GALK1: variants seen among roughly 807,000 people sequenced by gnomAD.
GALK1 encodes galactokinase.
Under a neutral mutation model 38.6 loss-of-function variants are expected in GALK1, and 30 were observed. That is an observed-to-expected ratio of 0.78 (90% CI 0.58 to 1.05). The LOEUF is 1.05. Among genes scored for constraint, GALK1 ranks in the 50% least tolerant of loss-of-function variants. The pLI, the probability that GALK1 is intolerant of heterozygous loss-of-function variation, is 0.00. For missense variants in GALK1, 512 were observed against 540.5 expected, an observed-to-expected ratio of 0.95 and a Z score of 0.52; for synonymous variants, 240 against 233.6, an observed-to-expected ratio of 1.03 and a Z score of -0.25.
downstream of GALK1, chr17:75,756,694 C>T (rs1485274544): frequency 6.2e-7 from 1 of 1,613,514 alleles, no homozygotes. Context: ...TCTTCCTCTA[C>T]TGCCCCCAGG....
In GALK1 at chr17:75,763,366, T is replaced by A; in HGVS notation, c.429A>T (p.Ala143=). 6.2e-7 allele frequency: 1 copy of A among 1,613,808 alleles called. No individual in the cohort carries two copies. Residue 143 remains alanine, a synonymous_variant, in exon 3 of 8, where the codon GCA becomes GCT. Transcript: ENST00000588479. ...AGGTGTACGTGGCCACTTCCAAGGA[T>A]GCTGAGCTGGACAGGCCACCCCCCA... ...VPLGGGLSSS[A]SLEVATYTFL...
At position 75,763,032 on chromosome 17, in the gene GALK1, G is replaced by A. The variant is rs80084721; in HGVS notation, c.593C>T (p.Ala198Val). The change falls in exon 4 of 8, where the codon GCG becomes GTG. Residue 198 changes from alanine to valine, a missense_variant. Transcript: ENST00000588479. ...GCCCAACCTGCAGTCAATGAGCAGCGCGTGGCCTTTCTGTCCCATAAGTGA... is the reference window on the plus strand; with the variant it reads ...GCCCAACCTGCAGTCAATGAGCAGCACGTGGCCTTTCTGTCCCATAAGTGA... ...FISLMGQKGH[A>V]LLIDCRSLET... 1,592 of 1,612,946 alleles carry A rather than the reference G, an allele frequency of 9.9e-4. 29 individuals are homozygous for A. The East Asian group carries it at 0.03, about 31-fold the overall frequency.
At position 75,752,287 on chromosome 17, in the gene GALK1, G is replaced by A. The variant is rs551420609; in HGVS notation, c.*23-550C>T. 6.1e-5 allele frequency: 98 copies of A among 1,613,312 alleles called. 1 individual carries two copies. The highest frequency in any genetic ancestry group is 1.1e-4 in the South Asian group (10 of 91,088). On this transcript the variant is annotated intron_variant, in intron 8 of 8. Transcript: ENST00000225614. ...CCGCTACACGGTGAAGGCGCGCAAC[G>A]GGGCCGGCTGGGGGCCTGAGCGGGA...
intron 6 of GALK1, 38 bp downstream of exon 6, chr17:75,758,411 C>A: frequency 6.3e-7 from 1 of 1,577,866 alleles, no homozygotes. Context: ...CTGGGCCGGC[C>A]TGTGCCCGGC....
chr17:75,756,474 T>G, downstream of GALK1: 1 of 1,613,190 alleles, frequency 6.2e-7, no homozygotes, highest in Non-Finnish European at 8.5e-7. Flanking sequence ...CAGACCTCGG[T>G]GGTGGTGGAA....
Position 75,763,353 on chromosome 17 carries a change from C to T in GALK1, c.442G>A (p.Ala148Thr), listed in dbSNP as rs140148059. ...GLSSSASLEV[A>T]TYTFLQQLCP... ...AGCTGCTGGAGGAAGGTGTACGTGGCCACTTCCAAGGATGCTGAGCTGGAC... is the reference window on the plus strand; with the variant it reads ...AGCTGCTGGAGGAAGGTGTACGTGGTCACTTCCAAGGATGCTGAGCTGGAC... The change falls in exon 3 of 8, where the codon GCC (alanine) becomes ACC (threonine). Residue 148 changes from alanine to threonine, a missense_variant. Transcript: ENST00000588479. 4 of 1,613,798 alleles carry T rather than the reference C, an allele frequency of 2.5e-6. No individual in the cohort carries two copies. Among genetic ancestry groups the T allele is most frequent in the Non-Finnish European group, 3.4e-6 (4 of 1,179,998 alleles).
Position 75,763,940 on chromosome 17 carries a change from A to C in GALK1, c.312T>G (p.Pro104=). 6.2e-7 allele frequency: 1 copy of C among 1,613,778 alleles called. No homozygotes were observed. The highest frequency in any genetic ancestry group is 1.1e-5 in the South Asian group (1 of 91,080). ...TAQRSLEPGT[P]RWANYVKGVI... The stretch of plus-strand genomic sequence containing the variant: ...CTCCCTTGACATAGTTGGCCCACCG[A>C]GGAGTCCCAGGCTCCAGCGAGCGCT... The change falls in exon 2 of 8, where the codon CCT becomes CCG. Residue 104 remains proline (P), a synonymous_variant. Transcript: ENST00000588479.
Position 75,763,886 on chromosome 17 carries a change from G to C in GALK1, c.355+11C>G, listed in dbSNP as rs777992954. ...ATCAGTGAGGACTTGGCTCAGGCCT[G>C]GGCCCCATACCTGGGTAGTACTGAA... On this transcript the variant is annotated intron_variant, in intron 2 of 7. Transcript: ENST00000588479. 6 of 1,613,104 alleles carry C rather than the reference G, an allele frequency of 3.7e-6. No homozygotes were observed. The highest frequency in any genetic ancestry group is 1.7e-5 in the Admixed American group (1 of 59,960).
rs1195230874 is a variant in GALK1 at position 75,765,161 on chromosome 17, G to A, written c.-25C>T. The A allele has an allele frequency of 6.7e-7, 1 of 1,498,268 alleles. No individual in the cohort carries two copies. The highest frequency in any genetic ancestry group is 8.9e-7 in the Non-Finnish European group (1 of 1,127,536). 92.8% of individuals were successfully genotyped at this position (1,498,268 alleles called of 1,614,324 possible). A position where few individuals can be genotyped will look rare whatever the true frequency, so the allele number is the denominator to read the frequency against. ...TGACGCGCGCCTGCAGCTCTGCACA[G>A]CTGCTCCGGCACAGCCCCGTCGGCG... is the stretch of plus-strand genomic sequence containing the variant. On this transcript the variant is annotated 5_prime_UTR_variant, in exon 1 of 8. Coordinates refer to ENST00000588479, the MANE Select transcript of GALK1 (RefSeq NM_000154.2).
At chr17:75,753,901 G>GC, downstream of GALK1, 2 of 1,294,590 alleles carry the variant, frequency 1.5e-6, no homozygotes, top group South Asian at 2.5e-5. Context: ...CGCCCCACGG[G>GC]CCCCCGGACG....
downstream of GALK1, chr17:75,755,215 T>C: frequency 6.2e-7 from 1 of 1,602,278 alleles, no homozygotes; most frequent in African/African-American, 1.3e-5. Flanking sequence ...GGGGCCCAGG[T>C]AGTACAGGGG....
At chr17:75,753,169 C>A (rs2061406911), downstream of GALK1, among the ~76,000 whole-genome samples, 2 of 152,218 alleles carry the variant, frequency 1.3e-5, no homozygotes, top group Non-Finnish European at 2.9e-5. Context: ...ACCTCTGGGG[C>A]ACGTATATCT....
chr17:75,756,667 C>T (rs1294051416), downstream of GALK1: 1 of 1,613,252 alleles, frequency 6.2e-7, no homozygotes, highest in South Asian at 1.1e-5. Context: ...GCCCACCACC[C>T]ACCCACAGGC....
chr17:75,753,878 T>C, downstream of GALK1: 1 of 1,330,578 alleles, frequency 7.5e-7, no homozygotes, highest in Non-Finnish European at 9.6e-7. Context: ...CGGGCGCTCC[T>C]CCGACGCCGA....
chr17:75,753,642 C>T, downstream of GALK1: 2 of 602,670 alleles, frequency 3.3e-6, no homozygotes, highest in Non-Finnish European at 4.8e-6. Context: ...CCCCAACACA[C>T]ACCCCGGGAT....
chr17:75,756,323 T>C, downstream of GALK1: 2 of 1,254,202 alleles, frequency 1.6e-6, no homozygotes, highest in Middle Eastern at 1.9e-4. Context: ...CAGCTAGTCC[T>C]GGGTGGGTGA....
chr17:75,756,928 A>G (rs8078247), downstream of GALK1: 45,026 of 1,612,286 alleles, frequency 0.028, 9,739 homozygotes, highest in African/African-American at 0.5. Context: ...CGCTGAAGGC[A>G]TCTTCCCTGC....
At chr17:75,757,686 G>T, downstream of GALK1, 1 of 1,301,116 alleles carries the variant, frequency 7.7e-7, no homozygotes, top group South Asian at 1.2e-5. Context: ...CAGGGGCTAG[G>T]TGTCTCCTGG....
downstream of GALK1, chr17:75,757,845 G>C (rs1035183432): frequency 5.9e-6 from 4 of 674,724 alleles, no homozygotes; most frequent in African/African-American, 1.8e-5. Flanking sequence ...TTCTTCTGGG[G>C]CCTGAGAGGT....
Sources: gnomAD v4.1 joint callset for allele counts (sites outside exome capture counted in the v4.1 genomes callset) on GRCh38, gnomAD v4.1.1 for gene constraint, MANE v1.5 for transcripts, NCBI Gene and HGNC (gene_info 2026-07-23, HGNC 2026-07-21) for gene names.